NIPAL3: variants seen among roughly 807,000 people sequenced by gnomAD.
NIPAL3 encodes the protein NIPA like domain containing 3, also known as NIPA-like protein 3.
In NIPAL3, 41 loss-of-function variants were observed where a neutral mutation model predicts 47.2. The observed-to-expected ratio is 0.87, with a 90% CI of 0.68 to 1.13. The LOEUF (loss-of-function observed/expected upper bound fraction) is 1.13. Among genes scored for constraint, NIPAL3 ranks in the 50% most tolerant of loss-of-function variants. NIPAL3 has a pLI of 0.00. For synonymous variants in NIPAL3, 194 were observed against 209.6 expected (o/e 0.93, Z 0.64); for missense variants, 449 against 530.1 (o/e 0.85, Z 1.50).
intron 2 of NIPAL3, among the ~76,000 whole-genome samples, chr1:24,421,310 C>T (rs1034714920): frequency 6.6e-6 from 1 of 151,998 alleles, no homozygotes; most frequent in Admixed American, 6.6e-5. Context: ...CAAGATTGCA[C>T]CACTGCACTC....
At chr1:24,440,546 A>G (rs1459231614) in intron 3 of NIPAL3, among the ~76,000 whole-genome samples, 1 of 152,148 alleles carries the variant, frequency 6.6e-6, no homozygotes, top group African/African-American at 2.4e-5. Context: ...TGGAATTACC[A>G]TAGTTTTGTC....
chr1:24,457,831 C>T lies in NIPAL3; in HGVS notation c.774-1057C>T, dbSNP rs183165219. On this transcript the variant is annotated intron_variant, in intron 8 of 11. Coordinates refer to ENST00000374399, the MANE Select transcript of NIPAL3 (RefSeq NM_020448.5). ...TATGAGAATGTCTCTAGGGAAATGCCCGGTAAACATGAGCTGCTTCTATGA... is the reference window on the plus strand; with the variant it reads ...TATGAGAATGTCTCTAGGGAAATGCTCGGTAAACATGAGCTGCTTCTATGA... The T allele has an allele frequency of 2.4e-5, 13 of 533,080 alleles. No homozygotes were observed. In the East Asian group the frequency reaches 6.0e-4, roughly 25 times the overall value. 33.0% of individuals were successfully genotyped at this position (533,080 alleles called of 1,614,324 possible). A position where few individuals can be genotyped will look rare whatever the true frequency, so the allele number is the denominator to read the frequency against.
Position 24,419,476 on chromosome 1 carries a change from C to A in NIPAL3, c.-72C>A. On this transcript the variant is annotated 5_prime_UTR_variant, in exon 2 of 12. The change creates a new upstream start codon in the 5' untranslated region. Coordinates refer to ENST00000374399, the MANE Select transcript of NIPAL3 (RefSeq NM_020448.5). ...TGAACACCACAAGGAGAGATGGCAT[C>A]TGGCCTGGGCCCCGCCTAGCAGCAG... 1 of 1,467,004 alleles carries A rather than the reference C, an allele frequency of 6.8e-7. No homozygotes were observed. Among genetic ancestry groups the A allele is most frequent in the Non-Finnish European group, 9.0e-7 (1 of 1,105,348 alleles). The allele number at this position is 1,467,004 out of a possible 1,614,324, so 90.9% of individuals were successfully genotyped here.
chr1:24,431,316 C>A (rs6676449), intron 2 of NIPAL3, among the ~76,000 whole-genome samples: 1 of 152,076 alleles, frequency 6.6e-6, no homozygotes, highest in African/African-American at 2.4e-5. Flanking sequence ...GAAGGACAAG[C>A]CTTTCTTTGA....
In NIPAL3 at chr1:24,416,380, G is replaced by T; in HGVS notation, c.-258+476G>T. The T allele has an allele frequency of 1.0e-6, 1 of 967,702 alleles. No homozygotes were observed. The highest frequency in any genetic ancestry group is 1.2e-6 in the Non-Finnish European group (1 of 813,754). 59.9% of individuals were successfully genotyped at this position (967,702 alleles called of 1,614,324 possible). A position where few individuals can be genotyped will look rare whatever the true frequency, so the allele number is the denominator to read the frequency against. ...AAGCCGAGGAACGGGAAGCTTGGCAGGGAACTGGCGCTCACCTCCAGAAGC... is the reference window on the plus strand; with the variant it reads ...AAGCCGAGGAACGGGAAGCTTGGCATGGAACTGGCGCTCACCTCCAGAAGC... On this transcript the variant is annotated intron_variant, in intron 1 of 11. Coordinates refer to ENST00000374399, the MANE Select transcript of NIPAL3 (RefSeq NM_020448.5). This position sits in a 1 kb window ranked among gnomAD's most constrained non-coding sequence, Gnocchi z 4.8.
At chr1:24,426,058 G>C (rs1004890449) in intron 2 of NIPAL3, among the ~76,000 whole-genome samples, 1 of 152,164 alleles carries the variant, frequency 6.6e-6, no homozygotes, top group Non-Finnish European at 1.5e-5. Context: ...AGATAGGTAC[G>C]GTTATAACCC....
chr1:24,461,823 C>T (rs1646485995), intron 10 of NIPAL3, among the ~76,000 whole-genome samples: 1 of 151,412 alleles, frequency 6.6e-6, no homozygotes, highest in South Asian at 2.1e-4. Flanking sequence ...GAGCTGAGAT[C>T]ATGCCATTGC....
chr1:24,466,127 T>C (rs195725), intron 11 of NIPAL3: 2 of 1,589,916 alleles, frequency 1.3e-6, no homozygotes, highest in Non-Finnish European at 1.7e-6. Flanking sequence ...AAAAATGAGA[T>C]CGAGAAACAG....
At chr1:24,439,078 G>T (rs1035448290) in intron 2 of NIPAL3, among the ~76,000 whole-genome samples, 1 of 152,098 alleles carries the variant, frequency 6.6e-6, no homozygotes, top group Non-Finnish European at 1.5e-5. Flanking sequence ...AAAAATTACC[G>T]ATTGGGTACT....
In NIPAL3 at chr1:24,457,968, G is replaced by A. The variant is rs1213588573; in HGVS notation, c.774-920G>A. 3.3e-5 allele frequency: 13 copies of A among 393,944 alleles called. No individual in the cohort carries two copies. In the East Asian group the frequency reaches 9.3e-4, roughly 28 times the overall value. 24.4% of individuals were successfully genotyped at this position (393,944 alleles called of 1,614,324 possible). A position where few individuals can be genotyped will look rare whatever the true frequency, so the allele number is the denominator to read the frequency against. On this transcript the variant is annotated intron_variant, in intron 8 of 11. Coordinates refer to ENST00000374399, the MANE Select transcript of NIPAL3 (RefSeq NM_020448.5). The stretch of plus-strand genomic sequence containing the variant: ...AAAGGCCCTGTGCTGAGCACTCCAG[G>A]TGTCACAAACATGGCTCAGATGCCA...
chr1:24,440,198 G>T lies in NIPAL3; in HGVS notation c.120G>T (p.Ala40=), dbSNP rs370188520. The part of the protein sequence containing the change: ...YKENLIGALL[A]IFGHLVVSIA... The stretch of plus-strand genomic sequence containing the variant: ...AAAACCTGATTGGCGCCCTCTTGGC[G>T]ATCTTCGGGCACCTCGTGGTCAGCA... The change falls in exon 3 of 12, where the codon GCG becomes GCT. Residue 40 remains alanine, a synonymous_variant. Transcript: ENST00000374399. 14 of 1,594,186 alleles carry T rather than the reference G, an allele frequency of 8.8e-6. No homozygotes were observed. In the Admixed American group the frequency reaches 1.9e-4, roughly 22 times the overall value.
chr1:24,445,042 G>A, intron 4 of NIPAL3, 143 bp from the exon 5 acceptor site: 1 of 581,514 alleles, frequency 1.7e-6, no homozygotes, highest in Admixed American at 3.1e-5. Context: ...AATCACACAG[G>A]AACCAAGCTT....
At position 24,449,755 on chromosome 1, in the gene NIPAL3, C is replaced by A. The variant is rs185273245; in HGVS notation, c.540+129C>A. On this transcript the variant is annotated intron_variant, in intron 6 of 11. Coordinates refer to ENST00000374399, the MANE Select transcript of NIPAL3 (RefSeq NM_020448.5). The surrounding 1 kb of genome is among the most constrained non-coding windows in gnomAD (Gnocchi z 4.5). ...GGCACATTTTACCAGCATGAAAGAC[C>A]GTGCTTCTGGAGAGTACACAGCTCA... 2 of 1,020,300 alleles carry A rather than the reference C, an allele frequency of 2.0e-6. No individual in the cohort carries two copies. The highest frequency in any genetic ancestry group is 3.3e-5 in the South Asian group (2 of 61,456). 63.2% of individuals were successfully genotyped at this position (1,020,300 alleles called of 1,614,324 possible).
Position 24,449,467 on chromosome 1 carries a change from T to C in NIPAL3, c.395-14T>C, listed in dbSNP as rs761403682. 1.6e-5 allele frequency: 25 copies of C among 1,612,446 alleles called. No homozygotes were observed. Among genetic ancestry groups the C allele is most frequent in the Non-Finnish European group, 2.0e-5 (24 of 1,179,924 alleles). ...TTGTTGCAATGAGTCCGTGACAGCC[T>C]CTCTTCCCCGCAGGGCGCTACGTCT... On this transcript the variant is annotated splice_polypyrimidine_tract_variant and intron_variant, in intron 5 of 11. Transcript: ENST00000374399. The surrounding 1 kb of genome is among the most constrained non-coding windows in gnomAD (Gnocchi z 4.5).
intron 7 of NIPAL3, 132 bp downstream of exon 7, chr1:24,453,636 C>T: frequency 2.8e-6 from 2 of 718,460 alleles, no homozygotes; most frequent in Non-Finnish European, 4.7e-6. Flanking sequence ...GTTCTGTCTC[C>T]ATCAGTGGCT....
rs770556975 is a variant in NIPAL3 at position 24,449,539 on chromosome 1, G to A, written c.453G>A (p.Leu151=). 6.2e-7 allele frequency: 1 copy of A among 1,613,996 alleles called. No homozygotes were observed. The highest frequency in any genetic ancestry group is 8.5e-7 in the Non-Finnish European group (1 of 1,180,024). The change falls in exon 6 of 12, where the codon CTG becomes CTA. Residue 151 remains leucine (L), a synonymous_variant. Coordinates refer to ENST00000374399, the MANE Select transcript of NIPAL3 (RefSeq NM_020448.5). This position sits in a 1 kb window ranked among gnomAD's most constrained non-coding sequence, Gnocchi z 4.5. ...TGGCTGTCGTGGGTACCTACCTGCTGGTGACATTCGCACCCAACAGTCACG... is the reference window on the plus strand; with the variant it reads ...TGGCTGTCGTGGGTACCTACCTGCTAGTGACATTCGCACCCAACAGTCACG... ...CGLAVVGTYL[L]VTFAPNSHEK... is the part of the protein sequence containing the mutation.
chr1:24,435,583 A>G (rs1253861981), intron 2 of NIPAL3, among the ~76,000 whole-genome samples: 2 of 152,240 alleles, frequency 1.3e-5, no homozygotes, highest in Non-Finnish European at 2.9e-5. Flanking sequence ...GCACCTATAT[A>G]GCTCCATCTC....
chr1:24,443,957 T>C (rs1645525683), intron 4 of NIPAL3, among the ~76,000 whole-genome samples: 1 of 152,132 alleles, frequency 6.6e-6, no homozygotes, highest in Non-Finnish European at 1.5e-5. Flanking sequence ...AATAAGTGTC[T>C]AAGTGACTGG....
chr1:24,453,283 T>C (rs1250959066), intron 6 of NIPAL3, 125 bp from the exon 7 acceptor site: 1 of 658,094 alleles, frequency 1.5e-6, no homozygotes, highest in African/African-American at 1.8e-5. Context: ...TGGGAAATGC[T>C]GAATCATAGC....
Sources: gnomAD v4.1 joint callset for allele counts (sites outside exome capture counted in the v4.1 genomes callset) on GRCh38, gnomAD v4.1.1 for gene constraint, Gnocchi (gnomAD v3.1) non-coding constraint, MANE v1.5 for transcripts, NCBI Gene and HGNC (gene_info 2026-07-23, HGNC 2026-07-21) for gene names.